Variants in GMPS observed in about 807,000 individuals in gnomAD.
GMPS encodes the protein guanosine monophosphate synthase.
Under a neutral mutation model 77.9 loss-of-function variants are expected in GMPS, and 15 were observed. The observed-to-expected ratio is 0.19, with a 90% CI of 0.13 to 0.30. The LOEUF is 0.30. Ranked by LOEUF, GMPS falls within the 10% of genes least tolerant of loss-of-function variation. The pLI is 1.00. For synonymous variants in GMPS, 224 were observed against 275.9 expected, an observed-to-expected ratio of 0.81 and a Z score of 1.86; for missense variants, 590 against 838.8, an observed-to-expected ratio of 0.70 and a Z score of 3.66.
At chr3:155,881,017 T>G (rs556311676) in intron 1 of GMPS, among the ~76,000 whole-genome samples, 51 of 152,210 alleles carry the variant, frequency 3.4e-4, no homozygotes, top group South Asian at 1.5e-3. Context: ...TTGGTACAGT[T>G]TTACTTACAT....
intron 2 of GMPS, among the ~76,000 whole-genome samples, chr3:155,894,538 T>C (rs1466114306): frequency 1.3e-5 from 2 of 152,188 alleles, no homozygotes; most frequent in Non-Finnish European, 2.9e-5. Flanking sequence ...TCATGCTTTT[T>C]AATGCTTTTT....
intron 7 of GMPS, among the ~76,000 whole-genome samples, chr3:155,914,042 G>A (rs1029265074): frequency 6.6e-6 from 1 of 152,012 alleles, no homozygotes; most frequent in South Asian, 2.1e-4. Context: ...CGCCTCCCGG[G>A]TTCACACCAT....
chr3:155,887,940 T>A (rs1754373963), intron 1 of GMPS, among the ~76,000 whole-genome samples: 1 of 152,158 alleles, frequency 6.6e-6, no homozygotes, highest in Non-Finnish European at 1.5e-5. Context: ...AGGGATAGGG[T>A]AGAACAACAG....
At chr3:155,905,791 A>G (rs1754868300) in intron 4 of GMPS, among the ~76,000 whole-genome samples, 1 of 152,244 alleles carries the variant, frequency 6.6e-6, no homozygotes, top group Admixed American at 6.5e-5. Context: ...AGACTACCGA[A>G]TGAAGTGTTA....
chr3:155,921,329 A>G (rs764797646), intron 10 of GMPS, among the ~76,000 whole-genome samples: 1 of 152,206 alleles, frequency 6.6e-6, no homozygotes, highest in Non-Finnish European at 1.5e-5. Context: ...GTATATTTTA[A>G]CAGTATAATA....
In GMPS at chr3:155,931,842, G is replaced by T. The variant is rs550965817; in HGVS notation, c.1638G>T (p.Leu546=). The T allele has an allele frequency of 4.4e-6, 7 of 1,593,046 alleles. No homozygotes were observed. Among genetic ancestry groups the T allele is most frequent in the Middle Eastern group, 3.3e-4 (2 of 6,000 alleles). The part of the protein sequence containing the change: ...DEPDWESLIF[L]ARLIPRMCHN... ...CTGACTGGGAATCACTTATTTTTCT[G>T]GCTAGGCTTATACCTCGCATGTGTC... The change falls in exon 13 of 16, where the codon CTG becomes CTT. Residue 546 remains leucine, a synonymous_variant. Coordinates refer to ENST00000496455, the MANE Select transcript of GMPS (RefSeq NM_003875.3).
chr3:155,898,877 C>G (rs985318676), intron 3 of GMPS, among the ~76,000 whole-genome samples: 1 of 152,158 alleles, frequency 6.6e-6, no homozygotes, highest in African/African-American at 2.4e-5. Context: ...AAGATGGTAT[C>G]TGTCGGGTGT....
At chr3:155,870,429 G>A (rs1753871385), upstream of GMPS, 1 of 180,334 alleles carries the variant, frequency 5.5e-6, no homozygotes. Flanking sequence ...GGAGCCGGTG[G>A]ATGCCGCGGG....
At chr3:155,926,871 G>A (rs576145934) in intron 12 of GMPS, among the ~76,000 whole-genome samples, 25 of 151,956 alleles carry the variant, frequency 1.6e-4, no homozygotes, top group Admixed American at 2.0e-4. Context: ...CTAATTAGCC[G>A]GGTGTGGTGG....
intron 11 of GMPS, among the ~76,000 whole-genome samples, chr3:155,924,130 C>T (rs1477235476): frequency 6.6e-6 from 1 of 152,162 alleles, no homozygotes; most frequent in Non-Finnish European, 1.5e-5. Context: ...TCACCCGCCT[C>T]GGCCTCCCAA....
At chr3:155,930,707 C>T (rs1755592493) in intron 12 of GMPS, among the ~76,000 whole-genome samples, 1 of 152,232 alleles carries the variant, frequency 6.6e-6, no homozygotes, top group African/African-American at 2.4e-5. Context: ...TAAGCTGATA[C>T]TTAAACACGT....
At chr3:155,888,101 A>T (rs1226444184) in intron 1 of GMPS, among the ~76,000 whole-genome samples, 1 of 151,986 alleles carries the variant, frequency 6.6e-6, no homozygotes, top group Non-Finnish European at 1.5e-5. Flanking sequence ...TTTAAGAGAT[A>T]GGGTCTTGCT....
intron 1 of GMPS, among the ~76,000 whole-genome samples, chr3:155,877,459 ACC>A (rs1194285837): frequency 6.6e-6 from 1 of 151,494 alleles, no homozygotes. Context: ...TACAACCATC[ACC>A]CCCCATTTGT....
chr3:155,921,194 A>G (rs1755309971), intron 10 of GMPS, among the ~76,000 whole-genome samples: 1 of 152,194 alleles, frequency 6.6e-6, no homozygotes, highest in Non-Finnish European at 1.5e-5. Context: ...TGGAAGTTGC[A>G]GTGAGCTGAG....
chr3:155,884,381 G>A (rs1350808622), intron 1 of GMPS, among the ~76,000 whole-genome samples: 1 of 143,938 alleles, frequency 6.9e-6, no homozygotes, highest in Non-Finnish European at 1.5e-5. Flanking sequence ...GCGAGACTCT[G>A]CCTCCAGAAA....
intron 1 of GMPS, among the ~76,000 whole-genome samples, chr3:155,879,753 C>T (rs1213725508): frequency 1.3e-4 from 7 of 52,708 alleles, no homozygotes; most frequent in South Asian, 6.3e-4. Flanking sequence ...TTTTTTGAGG[C>T]GGAGTCTCGC....
intron 13 of GMPS, among the ~76,000 whole-genome samples, chr3:155,932,800 G>A (rs933125139): frequency 6.6e-6 from 1 of 152,174 alleles, no homozygotes; most frequent in Non-Finnish European, 1.5e-5. Context: ...TGTTTTTACC[G>A]ATGGGAACAT....
intron 10 of GMPS, among the ~76,000 whole-genome samples, chr3:155,920,594 A>G (rs1459781903): frequency 1.3e-5 from 2 of 150,586 alleles, no homozygotes; most frequent in African/African-American, 2.5e-5. Flanking sequence ...AAAAAAGAAA[A>G]AAAAAAAAGA....
chr3:155,883,577 A>G (rs572244919), intron 1 of GMPS, among the ~76,000 whole-genome samples: 1 of 152,316 alleles, frequency 6.6e-6, no homozygotes, highest in East Asian at 1.9e-4. Context: ...TGGGGAGACA[A>G]ACTGAAGAGA....
Sources: gnomAD v4.1 joint callset for allele counts (sites outside exome capture counted in the v4.1 genomes callset) on GRCh38, gnomAD v4.1.1 for gene constraint, MANE v1.5 for transcripts, NCBI Gene and HGNC (gene_info 2026-07-23, HGNC 2026-07-21) for gene names.